GRK5: variants seen among roughly 807,000 people sequenced by gnomAD.
GRK5 encodes the protein g protein-coupled receptor kinase GRK5.
Under a neutral mutation model 78.4 loss-of-function variants are expected in GRK5, and 40 were observed. That is an observed-to-expected ratio of 0.51 (90% CI 0.40 to 0.66). GRK5 has a LOEUF of 0.66. Among genes scored for constraint, GRK5 ranks in the 30% least tolerant of loss-of-function variants. GRK5 has a pLI of 0.00. For missense variants in GRK5, 598 were observed against 759.9 expected (o/e 0.79, Z 2.50); for synonymous variants, 289 against 296.8 (o/e 0.97, Z 0.27).
intron 2 of GRK5, among the ~76,000 whole-genome samples, chr10:119,369,984 T>C (rs1038462909): frequency 2.0e-5 from 3 of 152,186 alleles, no homozygotes; most frequent in Admixed American, 6.5e-5. Context: ...TTTTTTGTCC[T>C]TGGTGATAGA....
Position 119,454,957 on chromosome 10 carries a change from C to T in GRK5, c.1675-12C>T, listed in dbSNP as rs757620887. On this transcript the variant is annotated splice_polypyrimidine_tract_variant and intron_variant, in intron 15 of 15. Transcript: ENST00000392870. ...GTTCTCTCCACCCCGTCTCCCCCAA[C>T]CCCAACCCCAGCATCAGAACAATTC... The T allele has an allele frequency of 7.5e-6, 12 of 1,592,938 alleles. No individual in the cohort carries two copies. In the East Asian group the frequency reaches 1.3e-4, roughly 18 times the overall value.
At chr10:119,338,638 T>C (rs545006928) in intron 2 of GRK5, among the ~76,000 whole-genome samples, 48 of 152,306 alleles carry the variant, frequency 3.2e-4, no homozygotes, top group African/African-American at 1.2e-3. Flanking sequence ...ACTTCCCATC[T>C]CATGGGCTGC....
chr10:119,324,931 CCT>C (rs1196782785), intron 1 of GRK5, among the ~76,000 whole-genome samples: 1 of 152,252 alleles, frequency 6.6e-6, no homozygotes, highest in Non-Finnish European at 1.5e-5. Flanking sequence ...TCCTTCTGTC[CCT>C]CGGAGTGTGA....
At chr10:119,227,620 C>T (rs1275166323) in intron 1 of GRK5, among the ~76,000 whole-genome samples, 1 of 152,024 alleles carries the variant, frequency 6.6e-6, no homozygotes, top group Non-Finnish European at 1.5e-5. Flanking sequence ...AGCCTTGTTA[C>T]AGCCAGGAAG....
At chr10:119,337,947 C>T (rs545037061) in intron 2 of GRK5, among the ~76,000 whole-genome samples, 23 of 152,194 alleles carry the variant, frequency 1.5e-4, no homozygotes, top group African/African-American at 5.5e-4. Flanking sequence ...CATGAGGACA[C>T]CACTCATATT....
At chr10:119,233,897 A>C (rs1848875450) in intron 1 of GRK5, among the ~76,000 whole-genome samples, 1 of 152,210 alleles carries the variant, frequency 6.6e-6, no homozygotes, top group Non-Finnish European at 1.5e-5. Context: ...AAGATTAGGA[A>C]ACAAACATCC....
At chr10:119,237,537 T>C (rs1487231449) in intron 1 of GRK5, among the ~76,000 whole-genome samples, 2 of 152,166 alleles carry the variant, frequency 1.3e-5, no homozygotes, top group Non-Finnish European at 2.9e-5. Flanking sequence ...AATAGGACTA[T>C]GTTGGAATGG....
At chr10:119,368,617 G>T (rs12257534) in intron 2 of GRK5, among the ~76,000 whole-genome samples, 2,005 of 152,378 alleles carry the variant, frequency 0.013, 27 homozygotes, top group Non-Finnish European at 0.02. Flanking sequence ...CAGAGGTCAT[G>T]CAGGGTCAGA....
intron 2 of GRK5, among the ~76,000 whole-genome samples, chr10:119,359,051 A>G (rs1373096056): frequency 6.6e-6 from 1 of 152,152 alleles, no homozygotes; most frequent in African/African-American, 2.4e-5. Flanking sequence ...TAGGGCTTCA[A>G]CATATGAATT....
At chr10:119,440,527 G>A (rs1003303463) in intron 10 of GRK5, among the ~76,000 whole-genome samples, 26 of 150,520 alleles carry the variant, frequency 1.7e-4, no homozygotes, top group African/African-American at 5.9e-4. Context: ...ACAGGTGCAC[G>A]CCACCACACC....
chr10:119,283,939 C>T (rs905674042), intron 1 of GRK5, among the ~76,000 whole-genome samples: 2 of 152,218 alleles, frequency 1.3e-5, no homozygotes, highest in African/African-American at 4.8e-5. Flanking sequence ...CAACATGGAT[C>T]GAGAGCCAGG....
chr10:119,280,733 A>G (rs1035263788), intron 1 of GRK5, among the ~76,000 whole-genome samples: 9 of 150,860 alleles, frequency 6.0e-5, no homozygotes, highest in Non-Finnish European at 1.3e-4. Flanking sequence ...TTTGGAGGCA[A>G]TGACTTCCTG....
At chr10:119,441,418 T>G (rs946277792) in intron 10 of GRK5, among the ~76,000 whole-genome samples, 1 of 152,198 alleles carries the variant, frequency 6.6e-6, no homozygotes. Context: ...AAGACCAAAG[T>G]GGAGCCTCAG....
At chr10:119,291,181 T>G (rs1454755333) in intron 1 of GRK5, among the ~76,000 whole-genome samples, 2 of 152,256 alleles carry the variant, frequency 1.3e-5, no homozygotes, top group African/African-American at 4.8e-5. Context: ...TTTTTCTCCA[T>G]GATCTTCATG....
chr10:119,432,595 C>A (rs1433885528), intron 8 of GRK5, among the ~76,000 whole-genome samples: 1 of 152,228 alleles, frequency 6.6e-6, no homozygotes, highest in African/African-American at 2.4e-5. Context: ...CTTTATTATT[C>A]TTAGCCAATG....
intron 1 of GRK5, among the ~76,000 whole-genome samples, chr10:119,306,714 T>C (rs1850276522): frequency 6.6e-6 from 1 of 151,912 alleles, no homozygotes; most frequent in Non-Finnish European, 1.5e-5. Flanking sequence ...GTGGGTGGGG[T>C]GTGAGGATCT....
At chr10:119,283,725 A>T (rs556520365) in intron 1 of GRK5, among the ~76,000 whole-genome samples, 4 of 152,314 alleles carry the variant, frequency 2.6e-5, no homozygotes, top group South Asian at 2.1e-4. Flanking sequence ...CACCCTGCAG[A>T]TGGGACCATG....
At chr10:119,330,524 T>A (rs1392153769) in intron 2 of GRK5, among the ~76,000 whole-genome samples, 1 of 152,106 alleles carries the variant, frequency 6.6e-6, no homozygotes, top group Non-Finnish European at 1.5e-5. Context: ...GGGGTTAGGT[T>A]TCAACATGTG....
At chr10:119,415,977 T>A (rs1183171164) in intron 4 of GRK5, among the ~76,000 whole-genome samples, 1 of 152,122 alleles carries the variant, frequency 6.6e-6, no homozygotes, top group African/African-American at 2.4e-5. Flanking sequence ...TGAACGAGTA[T>A]CAGGCCTGTG....
Sources: gnomAD v4.1 joint callset for allele counts (sites outside exome capture counted in the v4.1 genomes callset) on GRCh38, gnomAD v4.1.1 for gene constraint, MANE v1.5 for transcripts, NCBI Gene and HGNC (gene_info 2026-07-23, HGNC 2026-07-21) for gene names.